Variants in VPS13A observed in about 807,000 individuals in gnomAD.
The protein encoded by VPS13A is intermembrane lipid transfer protein VPS13A.
A neutral mutation model predicts 390.9 loss-of-function variants in VPS13A; 264 were observed. The ratio of observed to expected loss-of-function variants is 0.68; its 90% CI spans 0.61 to 0.75. The LOEUF (loss-of-function observed/expected upper bound fraction) is 0.75, where lower values mean the gene tolerates loss of function less well. Ranked by LOEUF, VPS13A falls within the 30% of genes least tolerant of loss-of-function variation. The probability of loss-of-function intolerance (pLI) is 0.00; values close to 1 mark genes in which losing one functional copy is unlikely to be tolerated. For synonymous variants in VPS13A, 1,231 were observed against 1,227.1 expected (o/e 1.00, Z -0.07); for missense variants, 3,409 against 3,733.9 (o/e 0.91, Z 2.27).
chr9:77,220,671 G>C (rs73466005), intron 12 of VPS13A, among the ~76,000 whole-genome samples: 2,529 of 152,006 alleles, frequency 0.017, 45 homozygotes, highest in African/African-American at 0.045. Context: ...AACAAATCCT[G>C]GTTTGTTTTC....
intron 1 of VPS13A, chr9:77,178,144 T>C (rs1823762219): frequency 3.3e-6 from 1 of 306,948 alleles, no homozygotes. Flanking sequence ...ACGGTCCGGC[T>C]TTAGCCGCGC....
rs2131680829 is a variant in VPS13A at position 77,420,555 on chromosome 9, A to G, written c.*4549A>G. 6.6e-6 allele frequency: 1 copy of G among 152,252 alleles called. No individual in the cohort carries two copies. The highest frequency in any genetic ancestry group is 6.5e-5 in the Admixed American group (1 of 15,296). 9.4% of individuals were successfully genotyped at this position (152,252 alleles called of 1,614,324 possible). A position where few individuals can be genotyped will look rare whatever the true frequency, so the allele number is the denominator to read the frequency against. On this transcript the variant is annotated 3_prime_UTR_variant, in exon 72 of 72. Coordinates refer to ENST00000360280, the MANE Select transcript of VPS13A (RefSeq NM_033305.3). ...CAATTTTTTAGGTTGATATGGGTAT[A>G]TTTTTAAAGTTTTTATTACTTTATA...
intron 23 of VPS13A, among the ~76,000 whole-genome samples, chr9:77,271,150 A>T (rs1448474229): frequency 6.6e-6 from 1 of 152,200 alleles, no homozygotes; most frequent in African/African-American, 2.4e-5. Flanking sequence ...TCTAGAATAT[A>T]TGAGAAGACT....
intron 3 of VPS13A, among the ~76,000 whole-genome samples, chr9:77,202,760 A>G (rs555498159): frequency 2.0e-5 from 3 of 152,264 alleles, no homozygotes; most frequent in African/African-American, 7.2e-5. Flanking sequence ...ATCTTGTTTA[A>G]AAATGATAAG....
At chr9:77,404,378 G>A (rs187785096) in intron 69 of VPS13A, among the ~76,000 whole-genome samples, 26 of 152,220 alleles carry the variant, frequency 1.7e-4, no homozygotes, top group Non-Finnish European at 2.6e-4. Context: ...TCAACGTATG[G>A]ACAGCTGTCT....
chr9:77,360,071 C>T (rs1293384249), intron 58 of VPS13A, among the ~76,000 whole-genome samples: 2 of 152,082 alleles, frequency 1.3e-5, no homozygotes, highest in African/African-American at 2.4e-5. Flanking sequence ...TACCTTGTCA[C>T]CAAGATAACC....
intron 39 of VPS13A, 133 bp from the exon 40 acceptor site, chr9:77,317,470 GTAT>G (rs1829466901): frequency 6.8e-6 from 4 of 591,614 alleles, no homozygotes; most frequent in Non-Finnish European, 8.9e-6. Context: ...ATTAAGGAGT[GTAT>G]TATTAAGTCA....
In VPS13A at chr9:77,365,450, C is replaced by A; in HGVS notation, c.8212-10C>A. 1.3e-6 allele frequency: 2 copies of A among 1,565,114 alleles called. No individual in the cohort carries two copies. The highest frequency in any genetic ancestry group is 2.2e-5 in the South Asian group (2 of 89,906). Reference sequence around the variant, plus strand: ...CCCTTTAGTTTTAATATTTTGTGTTCCTTTTATAGGTTGAGCTTTTTCATA... The same window carrying A: ...CCCTTTAGTTTTAATATTTTGTGTTACTTTTATAGGTTGAGCTTTTTCATA... On this transcript the variant is annotated splice_polypyrimidine_tract_variant and intron_variant, in intron 59 of 71. Coordinates refer to ENST00000360280, the MANE Select transcript of VPS13A (RefSeq NM_033305.3).
Position 77,294,033 on chromosome 9 carries a change from A to C in VPS13A, c.3507+525A>C, listed in dbSNP as rs567738075. On this transcript the variant is annotated intron_variant, in intron 32 of 71. Transcript: ENST00000360280. ...ATCCTCCCGCCCCAACCTCCTGAGT[A>C]GCTGAGACTACAGGCACATATCACC... Among the ~76,000 whole-genome samples, 64 of 152,040 alleles carry C rather than the reference A, an allele frequency of 4.2e-4. 1 individual carries two copies. Among genetic ancestry groups the C allele is most frequent in the Non-Finnish European group, 8.2e-4 (56 of 68,020 alleles).
chr9:77,249,981 G>A (rs1941612407), intron 20 of VPS13A, 116 bp from the exon 21 acceptor site: 2 of 1,150,898 alleles, frequency 1.7e-6, no homozygotes, highest in Admixed American at 4.1e-5. Context: ...TATTATGTAT[G>A]CTTACTTGTG....
At chr9:77,268,413 T>A (rs1211401423) in intron 23 of VPS13A, among the ~76,000 whole-genome samples, 2 of 152,090 alleles carry the variant, frequency 1.3e-5, no homozygotes, top group African/African-American at 4.8e-5. Flanking sequence ...AGTTCCCTGA[T>A]CCCTTTGTGC....
intron 32 of VPS13A, 144 bp from the exon 33 acceptor site, chr9:77,295,398 G>T: frequency 1.6e-6 from 1 of 633,264 alleles, no homozygotes; most frequent in Non-Finnish European, 2.4e-6. Flanking sequence ...ATTTAATATA[G>T]ACAGTAAGAT....
intron 31 of VPS13A, among the ~76,000 whole-genome samples, chr9:77,285,136 G>T (rs1436507953): frequency 1.3e-5 from 2 of 151,880 alleles, no homozygotes; most frequent in Non-Finnish European, 2.9e-5. Flanking sequence ...TGATTCCATT[G>T]TACATGGTTT....
intron 45 of VPS13A, 117 bp downstream of exon 45, chr9:77,323,344 C>G (rs1829847041): frequency 1.6e-6 from 2 of 1,266,098 alleles, no homozygotes; most frequent in Non-Finnish European, 2.3e-6. Flanking sequence ...AGTAATACAG[C>G]TGATATCAAA....
intron 1 of VPS13A, among the ~76,000 whole-genome samples, chr9:77,192,764 C>G (rs570165837): frequency 3.2e-4 from 48 of 152,130 alleles, no homozygotes; most frequent in African/African-American, 1.1e-3. Flanking sequence ...CTCTAGCTCC[C>G]TTTATTATTT....
chr9:77,200,910 C>T (rs1008793150), intron 2 of VPS13A, among the ~76,000 whole-genome samples: 11 of 152,010 alleles, frequency 7.2e-5, no homozygotes, highest in Non-Finnish European at 1.0e-4. Context: ...CATGTTTTTG[C>T]GAGTGGATAT....
intron 59 of VPS13A, among the ~76,000 whole-genome samples, chr9:77,363,929 A>G (rs985227498): frequency 6.6e-6 from 1 of 152,148 alleles, no homozygotes; most frequent in African/African-American, 2.4e-5. Context: ...ACACCCTTCT[A>G]TTTGAGTAAC....
At chr9:77,222,334 C>A (rs1823267814) in intron 13 of VPS13A, among the ~76,000 whole-genome samples, 1 of 152,062 alleles carries the variant, frequency 6.6e-6, no homozygotes. Context: ...GTTGTAGTTA[C>A]TTCTCTTGGG....
chr9:77,388,457 G>A (rs535174570), intron 68 of VPS13A, among the ~76,000 whole-genome samples: 55 of 152,160 alleles, frequency 3.6e-4, no homozygotes, highest in Admixed American at 1.4e-3. Context: ...TTCTCAATAA[G>A]TATGATAAAT....
Sources: gnomAD v4.1 joint callset for allele counts (sites outside exome capture counted in the v4.1 genomes callset) on GRCh38, gnomAD v4.1.1 for gene constraint, MANE v1.5 for transcripts, NCBI Gene and HGNC (gene_info 2026-07-23, HGNC 2026-07-21) for gene names.